The following PIEZO2 variants were observed in gnomAD, a reference collection of about 807,000 sequenced individuals.
PIEZO2 encodes the protein piezo-type mechanosensitive ion channel component 2.
In PIEZO2, 172 loss-of-function variants were observed where a neutral mutation model predicts 337.3. That is an observed-to-expected ratio of 0.51 (90% confidence interval 0.45 to 0.58). The LOEUF (loss-of-function observed/expected upper bound fraction) is 0.58, where lower values mean the gene tolerates loss of function less well. Among genes scored for constraint, PIEZO2 ranks in the 20% least tolerant of loss-of-function variants. The pLI is 0.00. For missense variants in PIEZO2, 3,028 were observed against 3,391.3 expected, an observed-to-expected ratio of 0.89 and a Z score of 2.66; for synonymous variants, 1,251 against 1,228.5, an observed-to-expected ratio of 1.02 and a Z score of -0.38.
At chr18:11,087,814 G>A (rs1366491344) in intron 1 of PIEZO2, among the ~76,000 whole-genome samples, 3 of 152,250 alleles carry the variant, frequency 2.0e-5, no homozygotes, top group Non-Finnish European at 4.4e-5. Flanking sequence ...AATCAAGTGG[G>A]CTTGTGCACT....
rs929413974 is a variant in PIEZO2, at chr18:10,784,706, C to T, written c.2492+78G>A. The T allele has an allele frequency of 1.5e-5, 20 of 1,312,378 alleles. No homozygotes were observed. Among genetic ancestry groups the T allele is most frequent in the African/African-American group, 1.5e-4 (9 of 60,802 alleles). 81.3% of individuals were successfully genotyped at this position (1,312,378 alleles called of 1,614,324 possible). Reference sequence around the variant, plus strand: ...AAACTTTTAGATTACTGGCTTCTCGCAAGGTGGCCAACCTAAGGTAGGGTT... The same window carrying T: ...AAACTTTTAGATTACTGGCTTCTCGTAAGGTGGCCAACCTAAGGTAGGGTT... On this transcript the variant is annotated intron_variant, in intron 17 of 55. Transcript: ENST00000674853. The surrounding 1 kb of genome is among the most constrained non-coding windows in gnomAD (Gnocchi z 4.5).
intron 2 of PIEZO2, among the ~76,000 whole-genome samples, chr18:11,061,077 C>G (rs1454776453): frequency 2.6e-5 from 4 of 152,152 alleles, no homozygotes. Context: ...GGGCTTCATC[C>G]CTGGGATGCA....
chr18:10,709,801 G>A (rs2035745904), intron 39 of PIEZO2, among the ~76,000 whole-genome samples: 1 of 152,256 alleles, frequency 6.6e-6, no homozygotes, highest in South Asian at 2.1e-4. Context: ...CCAAGACAGG[G>A]GCAGCCAGTG....
rs113945893 is a variant in PIEZO2, at chr18:10,813,559, G to A, written c.918-6285C>T. 4.3e-3 allele frequency among the ~76,000 whole-genome samples: 661 copies of A among 152,202 alleles called. 7 individuals are homozygous for A. The highest frequency in any genetic ancestry group is 0.015 in the African/African-American group (636 of 41,516). The stretch of plus-strand genomic sequence containing the variant: ...CATGATGGCCTCAAGGTTCATTCAT[G>A]TTGTAGCATGTGTCAGAATTTCCTT... On this transcript the variant is annotated intron_variant, in intron 7 of 55. Transcript: ENST00000674853. The surrounding 1 kb of genome is among the most constrained non-coding windows in gnomAD (Gnocchi z 4.2).
chr18:10,852,795 C>A (rs1179709234), intron 7 of PIEZO2, among the ~76,000 whole-genome samples: 4 of 152,202 alleles, frequency 2.6e-5, no homozygotes, highest in African/African-American at 9.6e-5. Flanking sequence ...ACACCCTCTT[C>A]TACTGTTACA....
Position 10,795,362 on chromosome 18 carries a change from TTA to T in PIEZO2, c.1528-362_1528-361del, listed in dbSNP as rs2039553725. ...TTTTATTTTATTTTATTATTTTATT[TTA>T]TTTTATTTTATTTTATTTTATTTTA... On this transcript the variant is annotated intron_variant, in intron 12 of 55. Coordinates refer to ENST00000674853, the MANE Select transcript of PIEZO2 (RefSeq NM_001378183.1). The surrounding 1 kb of genome is among the most constrained non-coding windows in gnomAD (Gnocchi z 4.4). 1.2e-4 allele frequency among the ~76,000 whole-genome samples: 5 copies of T among 43,400 alleles called. No homozygotes were observed. The allele number at this position is 43,400 out of a possible 152,430, so 28.5% of individuals were successfully genotyped here. A position where few individuals can be genotyped will look rare whatever the true frequency, so the allele number is the denominator to read the frequency against.
chr18:10,901,662 G>C (rs1231490059), intron 4 of PIEZO2, among the ~76,000 whole-genome samples: 1 of 152,168 alleles, frequency 6.6e-6, no homozygotes, highest in African/African-American at 2.4e-5. Context: ...AGCCACTTTA[G>C]AGCATTGTGG....
rs185990881 is a variant in PIEZO2 at position 10,844,897 on chromosome 18, C to T, written c.917+10456G>A. On this transcript the variant is annotated intron_variant, in intron 7 of 55. Transcript: ENST00000674853. ...TACAAAGTAACTGACCAAATAATGACGGCACTTTCTAGTCAGGTCACAAGC... is the reference window on the plus strand; with the variant it reads ...TACAAAGTAACTGACCAAATAATGATGGCACTTTCTAGTCAGGTCACAAGC... Among the ~76,000 whole-genome samples the T allele has an allele frequency of 2.7e-3, 409 of 151,710 alleles. 2 individuals carry two copies. The highest frequency in any genetic ancestry group is 3.7e-3 in the Non-Finnish European group (254 of 67,942).
At chr18:10,793,856 T>C (rs2039491882) in intron 13 of PIEZO2, among the ~76,000 whole-genome samples, 1 of 152,162 alleles carries the variant, frequency 6.6e-6, no homozygotes, top group South Asian at 2.1e-4. Context: ...ACCTGTTGGA[T>C]TGTGTTTCAT....
At chr18:10,790,799 A>G (rs1175769818) in intron 14 of PIEZO2, among the ~76,000 whole-genome samples, 2 of 147,112 alleles carry the variant, frequency 1.4e-5, no homozygotes, top group Non-Finnish European at 3.0e-5. Flanking sequence ...TCCGCCTCCC[A>G]GGTTCACACC....
intron 3 of PIEZO2, among the ~76,000 whole-genome samples, chr18:10,964,289 C>G (rs1190358776): frequency 1.3e-5 from 2 of 151,996 alleles, no homozygotes; most frequent in African/African-American, 2.4e-5. Context: ...GAGTGTATAG[C>G]ACTGAAGCAA....
intron 36 of PIEZO2, among the ~76,000 whole-genome samples, chr18:10,718,914 T>C (rs1289702625): frequency 6.6e-6 from 1 of 151,622 alleles, no homozygotes; most frequent in Non-Finnish European, 1.5e-5. Flanking sequence ...GAGGATTGCT[T>C]GAACCTGGGA....
At chr18:10,680,658 C>A (rs2034224283) in intron 51 of PIEZO2, among the ~76,000 whole-genome samples, 1 of 152,106 alleles carries the variant, frequency 6.6e-6, no homozygotes, top group African/African-American at 2.4e-5. Flanking sequence ...AATTTAGTGT[C>A]ATTTTTCCTT....
At chr18:10,688,858 ACTC>A (rs2034670135) in intron 49 of PIEZO2, among the ~76,000 whole-genome samples, 1 of 151,746 alleles carries the variant, frequency 6.6e-6, no homozygotes, top group Admixed American at 6.6e-5. Flanking sequence ...CATCCTGTCA[ACTC>A]CTCTGCTCCT....
In PIEZO2 at chr18:10,943,167, C is replaced by T. The variant is rs983222969; in HGVS notation, c.287-31939G>A. 6.6e-6 allele frequency among the ~76,000 whole-genome samples: 1 copy of T among 152,178 alleles called. No homozygotes were observed. The highest frequency in any genetic ancestry group is 1.5e-5 in the Non-Finnish European group (1 of 68,030). On this transcript the variant is annotated intron_variant, in intron 3 of 55. Transcript: ENST00000674853. This position sits in a 1 kb window ranked among gnomAD's most constrained non-coding sequence, Gnocchi z 4.5. Reference sequence around the variant, plus strand: ...GAGGAAGGGAAATGTGGAGTCAGAGCCATGACGCACAGTCCCTACTGGGGC... The same window carrying T: ...GAGGAAGGGAAATGTGGAGTCAGAGTCATGACGCACAGTCCCTACTGGGGC...
At chr18:10,966,476 A>C (rs1201243183) in intron 3 of PIEZO2, among the ~76,000 whole-genome samples, 2 of 152,238 alleles carry the variant, frequency 1.3e-5, no homozygotes, top group Non-Finnish European at 2.9e-5. Flanking sequence ...CTTTACATTT[A>C]TCTCTCCTTT....
rs115633531 is a variant in PIEZO2, at chr18:11,038,609, A to G, written c.160+27518T>C. ...ACACCCCACAGTGCAGCTGAGGAGC[A>G]GCATGTAGTCAGGAAAGAGCATTCC... On this transcript the variant is annotated intron_variant, in intron 2 of 55. Transcript: ENST00000674853. This position sits in a 1 kb window ranked among gnomAD's most constrained non-coding sequence, Gnocchi z 4.1. Among the ~76,000 whole-genome samples the G allele has an allele frequency of 6.4e-3, 971 of 152,296 alleles. 9 individuals carry two copies. Among genetic ancestry groups the G allele is most frequent in the African/African-American group, 0.022 (925 of 41,572 alleles).
At chr18:10,696,627 C>A in intron 45 of PIEZO2, 88 bp from the exon 46 acceptor site, 1 of 1,424,464 alleles carries the variant, frequency 7.0e-7, no homozygotes, top group Non-Finnish European at 9.7e-7. Context: ...TCATGCCACT[C>A]CTCTGCATTC....
chr18:11,044,200 T>A (rs1343071278), intron 2 of PIEZO2, among the ~76,000 whole-genome samples: 1 of 149,668 alleles, frequency 6.7e-6, no homozygotes, highest in Non-Finnish European at 1.5e-5. Context: ...TAATATATAT[T>A]ATACATAAAA....
Sources: gnomAD v4.1 joint callset for allele counts (sites outside exome capture counted in the v4.1 genomes callset) on GRCh38, gnomAD v4.1.1 for gene constraint, Gnocchi (gnomAD v3.1) non-coding constraint, MANE v1.5 for transcripts, NCBI Gene and HGNC (gene_info 2026-07-23, HGNC 2026-07-21) for gene names.